Variants in TPD52L1 observed in about 807,000 individuals in gnomAD.
TPD52L1 encodes the protein TPD52 like 1.
TPD52L1 carries 18 observed loss-of-function variants against 28.7 expected under a neutral mutation model. That is an observed-to-expected ratio of 0.63 (90% CI 0.43 to 0.93). TPD52L1 has a LOEUF of 0.93. Among genes scored for constraint, TPD52L1 ranks in the 40% least tolerant of loss-of-function variants. The pLI is 0.00. For missense variants in TPD52L1, 203 were observed against 254.8 expected (o/e 0.80, Z 1.39); for synonymous variants, 75 against 88.8 (o/e 0.84, Z 0.88).
intron 1 of TPD52L1, among the ~76,000 whole-genome samples, chr6:125,177,492 A>T (rs1047358013): frequency 6.6e-6 from 1 of 152,184 alleles, no homozygotes; most frequent in Non-Finnish European, 1.5e-5. Flanking sequence ...TTGTAGCTGT[A>T]AGCACTTGAG....
At chr6:125,258,676 G>A (rs1240800874) in intron 6 of TPD52L1, among the ~76,000 whole-genome samples, 1 of 152,096 alleles carries the variant, frequency 6.6e-6, no homozygotes, top group Non-Finnish European at 1.5e-5. Context: ...GGCTCACATA[G>A]GATTTAAGTG....
intron 1 of TPD52L1, among the ~76,000 whole-genome samples, chr6:125,190,231 G>C (rs906370887): frequency 1.3e-5 from 2 of 152,146 alleles, no homozygotes; most frequent in Non-Finnish European, 2.9e-5. Context: ...TTGTAGGACT[G>C]TCAAAATATG....
chr6:125,205,381 G>A (rs980923379), intron 1 of TPD52L1, among the ~76,000 whole-genome samples: 3 of 152,126 alleles, frequency 2.0e-5, no homozygotes, highest in African/African-American at 4.8e-5. Flanking sequence ...CCACTCCCAC[G>A]CTTCTGAGCA....
intron 1 of TPD52L1, among the ~76,000 whole-genome samples, chr6:125,165,278 A>T (rs778135143): frequency 6.6e-6 from 1 of 151,880 alleles, no homozygotes; most frequent in Non-Finnish European, 1.5e-5. Context: ...AAGTGTAATG[A>T]TTTGAAATAT....
intron 4 of TPD52L1, chr6:125,252,219 T>G: frequency 1.7e-6 from 1 of 590,882 alleles, no homozygotes; most frequent in Non-Finnish European, 2.9e-6. Flanking sequence ...CTTATTGAAG[T>G]ACATCTCTAT....
At chr6:125,224,738 T>C (rs919864879) in intron 2 of TPD52L1, among the ~76,000 whole-genome samples, 3 of 152,200 alleles carry the variant, frequency 2.0e-5, no homozygotes, top group Non-Finnish European at 4.4e-5. Context: ...AAAATAGTTT[T>C]CCTTCTGGGT....
intron 1 of TPD52L1, among the ~76,000 whole-genome samples, chr6:125,172,479 T>TGTG (rs370592177): frequency 4.3e-5 from 4 of 93,972 alleles, no homozygotes; most frequent in Non-Finnish European, 5.7e-5. Flanking sequence ...TGTGTGTGTG[T>TGTG]TTTTTTTTTA....
chr6:125,204,958 G>A (rs112800920), intron 1 of TPD52L1, among the ~76,000 whole-genome samples: 17 of 152,302 alleles, frequency 1.1e-4, no homozygotes, highest in African/African-American at 3.8e-4. Flanking sequence ...TTAAAATACA[G>A]CATAGTAAGT....
intron 1 of TPD52L1, among the ~76,000 whole-genome samples, chr6:125,219,360 T>C (rs984168299): frequency 3.9e-5 from 6 of 152,240 alleles, no homozygotes; most frequent in African/African-American, 1.4e-4. Context: ...ACCCCGGCTC[T>C]TCCCATATTT....
intron 1 of TPD52L1, among the ~76,000 whole-genome samples, chr6:125,160,919 T>G (rs908230039): frequency 2.0e-5 from 3 of 150,936 alleles, no homozygotes; most frequent in African/African-American, 7.3e-5. Context: ...TGGCACGATC[T>G]TGGCTCACTG....
intron 1 of TPD52L1, among the ~76,000 whole-genome samples, chr6:125,214,943 A>T (rs58449902): frequency 0.071 from 10,821 of 152,196 alleles, 1,258 homozygotes; most frequent in African/African-American, 0.25. Context: ...CAAACCCACA[A>T]CTAGAATTCC....
intron 1 of TPD52L1, among the ~76,000 whole-genome samples, chr6:125,157,824 C>T (rs932624002): frequency 1.3e-5 from 2 of 152,024 alleles, no homozygotes; most frequent in Non-Finnish European, 2.9e-5. Flanking sequence ...TAAAAATTAC[C>T]ACAAACTTCG....
Position 125,257,442 on chromosome 6 carries a change from T to A in TPD52L1, c.486+284T>A, listed in dbSNP as rs1015229444. On this transcript the variant is annotated intron_variant, in intron 6 of 6. Transcript: ENST00000534000. ...AATGCTATCCCTCCAAAAGTAGATA[T>A]GTGAGAGATGACTGTGGATAGGATA... 2.0e-5 allele frequency among the ~76,000 whole-genome samples: 3 copies of A among 152,200 alleles called. No individual in the cohort carries two copies. In the South Asian group the frequency reaches 6.2e-4, roughly 32 times the overall value.
chr6:125,249,319 TA>T (rs112046864), intron 4 of TPD52L1, among the ~76,000 whole-genome samples: 2,292 of 145,966 alleles, frequency 0.016, 37 homozygotes, highest in African/African-American at 0.045. Flanking sequence ...ATTTCTTCTT[TA>T]AAAAAAAAAA....
At chr6:125,161,571 T>C (rs1432183087) in intron 1 of TPD52L1, among the ~76,000 whole-genome samples, 7 of 152,138 alleles carry the variant, frequency 4.6e-5, no homozygotes, top group African/African-American at 1.7e-4. Context: ...TAGAGACTAT[T>C]ATAGGGTTAA....
At chr6:125,228,576 C>T (rs1219779942) in intron 2 of TPD52L1, among the ~76,000 whole-genome samples, 1 of 152,166 alleles carries the variant, frequency 6.6e-6, no homozygotes, top group Admixed American at 6.5e-5. Context: ...CGTGGTGGCT[C>T]ACGTCTGTAA....
At chr6:125,185,860 T>C (rs1308478865) in intron 1 of TPD52L1, among the ~76,000 whole-genome samples, 1 of 151,410 alleles carries the variant, frequency 6.6e-6, no homozygotes, top group African/African-American at 2.4e-5. Context: ...TTCTAGAAGA[T>C]AGAGAATACC....
At chr6:125,189,136 C>A (rs1792862765) in intron 1 of TPD52L1, among the ~76,000 whole-genome samples, 1 of 152,210 alleles carries the variant, frequency 6.6e-6, no homozygotes, top group Non-Finnish European at 1.5e-5. Context: ...CCTAAGCTTT[C>A]TTGGATTCCT....
Position 125,165,270 on chromosome 6 carries a change from G to A in TPD52L1, c.19+11300G>A, listed in dbSNP as rs1014028267. Among the ~76,000 whole-genome samples the A allele has an allele frequency of 2.0e-5, 3 of 151,938 alleles. 1 individual carries two copies. Among genetic ancestry groups the A allele is most frequent in the South Asian group, 4.2e-4 (2 of 4,810 alleles). On this transcript the variant is annotated intron_variant, in intron 1 of 6. Coordinates refer to ENST00000534000, the MANE Select transcript of TPD52L1 (RefSeq NM_003287.4). ...TTTCATTGAATATTTAAGCAATAAAGTGTAATGATTTGAAATATATGCATT... is the reference window on the plus strand; with the variant it reads ...TTTCATTGAATATTTAAGCAATAAAATGTAATGATTTGAAATATATGCATT...
Sources: gnomAD v4.1 joint callset for allele counts (sites outside exome capture counted in the v4.1 genomes callset) on GRCh38, gnomAD v4.1.1 for gene constraint, MANE v1.5 for transcripts, NCBI Gene and HGNC (gene_info 2026-07-23, HGNC 2026-07-21) for gene names.